Variants in SCN2A observed in about 807,000 individuals in gnomAD.
SCN2A encodes sodium channel protein type 2 subunit alpha.
A neutral mutation model predicts 188.7 loss-of-function variants in SCN2A; 20 were observed. The observed-to-expected ratio is 0.11, with a 90% CI of 0.07 to 0.15. The LOEUF (loss-of-function observed/expected upper bound fraction) is 0.15. Ranked by LOEUF, SCN2A falls within the 10% of genes least tolerant of loss-of-function variation. The pLI is 1.00. For synonymous variants in SCN2A, 804 were observed against 833.1 expected, an observed-to-expected ratio of 0.97 and a Z score of 0.60; for missense variants, 1,278 against 2,445.0, an observed-to-expected ratio of 0.52 and a Z score of 10.07.
chr2:165,296,973 A>G (rs377502829), intron 2 of SCN2A, 44 bp from the exon 3 acceptor site: 25 of 976,352 alleles, frequency 2.6e-5, no homozygotes, highest in East Asian at 7.9e-5. Flanking sequence ...TATTCTTAAT[A>G]TATATTCTAA....
At position 165,392,029 on chromosome 2, in the gene SCN2A, G is replaced by A. The variant is rs558358975; in HGVS notation, c.*2205G>A. 6.6e-6 allele frequency: 1 copy of A among 152,438 alleles called. No homozygotes were observed. 9.4% of individuals were successfully genotyped at this position (152,438 alleles called of 1,614,324 possible). ...TTACAATCAAGCCAAAAGAATAAAGGTTTCGCTTTTGTTTTTGTATTTAAT... is the reference window on the plus strand; with the variant it reads ...TTACAATCAAGCCAAAAGAATAAAGATTTCGCTTTTGTTTTTGTATTTAAT... On this transcript the variant is annotated 3_prime_UTR_variant, in exon 27 of 27. Transcript: ENST00000375437.
intron 23 of SCN2A, among the ~76,000 whole-genome samples, chr2:165,378,195 G>T (rs1359920903): frequency 7.1e-6 from 1 of 139,940 alleles, no homozygotes; most frequent in Admixed American, 7.5e-5. Flanking sequence ...ACTATTTAAT[G>T]AGGAATGAAG....
intron 21 of SCN2A, among the ~76,000 whole-genome samples, chr2:165,373,925 G>A (rs185664858): frequency 6.6e-6 from 1 of 152,150 alleles, no homozygotes; most frequent in East Asian, 1.9e-4. Flanking sequence ...AGAAAATGAT[G>A]ATGCCTTGTC....
chr2:165,366,047 A>G (rs1459889009), intron 18 of SCN2A, among the ~76,000 whole-genome samples: 5 of 151,480 alleles, frequency 3.3e-5, no homozygotes, highest in Non-Finnish European at 7.4e-5. Flanking sequence ...TACTTGTATC[A>G]TTGTTTCTCT....
chr2:165,281,458 G>A (rs760401928), intron 1 of SCN2A, among the ~76,000 whole-genome samples: 2 of 152,004 alleles, frequency 1.3e-5, no homozygotes, highest in Non-Finnish European at 2.9e-5. Context: ...AGAGATGAAA[G>A]CAAGTGCAAA....
chr2:165,240,473 T>A (rs1358245349), intron 1 of SCN2A, among the ~76,000 whole-genome samples: 4 of 152,200 alleles, frequency 2.6e-5, no homozygotes, highest in Non-Finnish European at 4.4e-5. Context: ...CTGCTGCTTC[T>A]CGTGATTTCC....
intron 20 of SCN2A, chr2:165,370,507 A>T (rs979081452): frequency 1.4e-5 from 7 of 502,204 alleles, no homozygotes; most frequent in Non-Finnish European, 2.5e-5. Flanking sequence ...ATGCCATCAT[A>T]CTATACTTAT....
At chr2:165,356,088 T>C (rs555988002) in intron 17 of SCN2A, among the ~76,000 whole-genome samples, 1 of 152,302 alleles carries the variant, frequency 6.6e-6, no homozygotes, top group South Asian at 2.1e-4. Context: ...TTCCATTTTT[T>C]CTTGTTTGTA....
At chr2:165,345,301 T>G (rs1332344478) in intron 16 of SCN2A, among the ~76,000 whole-genome samples, 1 of 152,210 alleles carries the variant, frequency 6.6e-6, no homozygotes, top group African/African-American at 2.4e-5. Context: ...TCTCAGTTTA[T>G]TAAGAGCTCA....
chr2:165,356,346 CTTA>C (rs1267929255), intron 17 of SCN2A, among the ~76,000 whole-genome samples: 1 of 152,064 alleles, frequency 6.6e-6, no homozygotes, highest in Admixed American at 6.6e-5. Context: ...ATCTTAAAAT[CTTA>C]TTAACAAAAT....
At chr2:165,310,625 G>T (rs767130059) in intron 7 of SCN2A, 30 bp downstream of exon 7, 17 of 1,512,458 alleles carry the variant, frequency 1.1e-5, no homozygotes, top group Admixed American at 1.8e-5. Context: ...CCATTAAGTT[G>T]TTTAGTTCTC....
chr2:165,354,433 C>T lies in SCN2A; in HGVS notation c.3161C>T (p.Ser1054Phe). Residue 1054 changes from serine (S) to phenylalanine (F), a missense_variant, in exon 17 of 27, where the codon TCC becomes TTC. Coordinates refer to ENST00000375437, the MANE Select transcript of SCN2A (RefSeq NM_001040142.2). ...AATAATAAAAAAGACAGCTGTATTT[C>T]CAACCATACCACCATAGAAATAGGC... Reference protein sequence around the residue: ...DLNNKKDSCISNHTTIEIGKD... With the variant: ...DLNNKKDSCIFNHTTIEIGKD... 1 of 1,614,052 alleles carries T rather than the reference C, an allele frequency of 6.2e-7. No individual in the cohort carries two copies. Among genetic ancestry groups the T allele is most frequent in the Non-Finnish European group, 8.5e-7 (1 of 1,179,992 alleles).
chr2:165,340,366 A>G (rs1036023798), intron 14 of SCN2A, among the ~76,000 whole-genome samples: 1 of 152,244 alleles, frequency 6.6e-6, no homozygotes, highest in Admixed American at 6.5e-5. Flanking sequence ...GAAGTATTCA[A>G]GTAATATTTG....
chr2:165,314,173 G>A (rs1697600164), intron 10 of SCN2A, 65 bp downstream of exon 10: 1 of 1,514,164 alleles, frequency 6.6e-7, no homozygotes, highest in Non-Finnish European at 9.0e-7. Context: ...TAAATGTTGA[G>A]GTCAGTGGCA....
chr2:165,364,604 G>T (rs1700630478), intron 17 of SCN2A, among the ~76,000 whole-genome samples: 1 of 152,052 alleles, frequency 6.6e-6, no homozygotes, highest in African/African-American at 2.4e-5. Context: ...GCTCTTTTTG[G>T]AATTAGAAAA....
At chr2:165,253,618 C>CA (rs1694191022) in intron 1 of SCN2A, among the ~76,000 whole-genome samples, 1 of 151,960 alleles carries the variant, frequency 6.6e-6, no homozygotes, top group Non-Finnish European at 1.5e-5. Context: ...GCAACAGAGA[C>CA]AATATGGCCC....
rs1701386972 is a variant in SCN2A, at chr2:165,377,732, A to C, written c.4308+82A>C. ...TTGTAATTTAGTGATATTGTCAATA[A>C]AATAAAATTATGTGCTTAATTTATA... On this transcript the variant is annotated intron_variant, in intron 23 of 26. Coordinates refer to ENST00000375437, the MANE Select transcript of SCN2A (RefSeq NM_001040142.2). 1.4e-5 allele frequency: 16 copies of C among 1,132,438 alleles called. No homozygotes were observed. The South Asian group carries it at 2.2e-4, about 16-fold the overall frequency. 70.1% of individuals were successfully genotyped at this position (1,132,438 alleles called of 1,614,324 possible).
chr2:165,371,038 A>G (rs1700999084), intron 20 of SCN2A: 1 of 152,250 alleles, frequency 6.6e-6, no homozygotes, highest in Non-Finnish European at 1.5e-5. Flanking sequence ...CCAAAACTAT[A>G]ACCATTCTTT....
chr2:165,316,024 A>T, intron 11 of SCN2A, among the ~76,000 whole-genome samples: 1 of 152,058 alleles, frequency 6.6e-6, no homozygotes, highest in South Asian at 2.1e-4. Context: ...TCTTGGAGAA[A>T]TTTTCCACAT....
Sources: gnomAD v4.1 joint callset for allele counts (sites outside exome capture counted in the v4.1 genomes callset) on GRCh38, gnomAD v4.1.1 for gene constraint, MANE v1.5 for transcripts, NCBI Gene and HGNC (gene_info 2026-07-23, HGNC 2026-07-21) for gene names.